KCTD8: variants seen among roughly 807,000 people sequenced by gnomAD.
KCTD8 encodes potassium channel tetramerization domain containing 8, also known as BTB/POZ domain-containing protein KCTD8.
KCTD8 carries 27 observed loss-of-function variants against 31.5 expected under a neutral mutation model. That is an observed-to-expected ratio of 0.86 (90% CI 0.63 to 1.18). KCTD8 has a LOEUF of 1.18. Ranked by LOEUF, KCTD8 falls within the 50% of genes most tolerant of loss-of-function variation. The probability of loss-of-function intolerance (pLI) is 0.00; values close to 1 mark genes in which losing one functional copy is unlikely to be tolerated. For synonymous variants in KCTD8, 290 were observed against 280.0 expected, an observed-to-expected ratio of 1.04 and a Z score of -0.36; for missense variants, 658 against 647.7, an observed-to-expected ratio of 1.02 and a Z score of -0.17.
At chr4:44,268,345 C>T (rs867084848) in intron 1 of KCTD8, among the ~76,000 whole-genome samples, 4 of 151,676 alleles carry the variant, frequency 2.6e-5, no homozygotes, top group Admixed American at 6.6e-5. Context: ...ATTCAACAAC[C>T]CTTCATGCTA....
intron 1 of KCTD8, among the ~76,000 whole-genome samples, chr4:44,420,872 G>A (rs1156433357): frequency 1.3e-5 from 2 of 151,958 alleles, no homozygotes; most frequent in East Asian, 3.9e-4. Flanking sequence ...AGAAAATAAA[G>A]ACTCGAACGA....
intron 1 of KCTD8, among the ~76,000 whole-genome samples, chr4:44,180,375 G>T (rs1013712324): frequency 6.6e-6 from 1 of 151,900 alleles, no homozygotes; most frequent in Non-Finnish European, 1.5e-5. Context: ...AGATAAATAG[G>T]TACACCTAGA....
At chr4:44,398,453 G>T (rs1207213302) in intron 1 of KCTD8, among the ~76,000 whole-genome samples, 1 of 152,188 alleles carries the variant, frequency 6.6e-6, no homozygotes, top group Non-Finnish European at 1.5e-5. Flanking sequence ...CTTATTCTGA[G>T]TCACACAGTG....
chr4:44,235,525 T>TTA (rs752341720), intron 1 of KCTD8, among the ~76,000 whole-genome samples: 148 of 55,016 alleles, frequency 2.7e-3, no homozygotes, highest in Non-Finnish European at 4.2e-3. Flanking sequence ...AGACACTGGA[T>TTA]TATATATATA....
chr4:44,448,159 T>C lies in KCTD8; in HGVS notation c.365A>G (p.Glu122Gly). 2 of 1,612,402 alleles carry C rather than the reference T, an allele frequency of 1.2e-6. No individual in the cohort carries two copies. Among genetic ancestry groups the C allele is most frequent in the Non-Finnish European group, 1.7e-6 (2 of 1,179,736 alleles). Residue 122 changes from glutamate to glycine, a missense_variant, in exon 1 of 2, where the codon GAG (glutamate) becomes GGG (glycine). Physicochemically the swap from Glu to Gly is moderately conservative, Grantham distance 98. Coordinates refer to ENST00000360029, the MANE Select transcript of KCTD8 (RefSeq NM_198353.3). This position sits in a 1 kb window ranked among gnomAD's most constrained non-coding sequence, Gnocchi z 4.1. ...CAGCCGCTCCTTCTCGGGGAAGTGC[T>C]CCGGCAGCGCGAGTTGCTTGTCCCG... is the stretch of plus-strand genomic sequence containing the variant. ...YLRDKQLALPEHFPEKERLLR... is the reference protein window; with the variant it reads ...YLRDKQLALPGHFPEKERLLR...
At chr4:44,184,218 T>C (rs992762389) in intron 1 of KCTD8, among the ~76,000 whole-genome samples, 9 of 152,164 alleles carry the variant, frequency 5.9e-5, no homozygotes, top group Middle Eastern at 3.4e-3. Context: ...GTGATTGGAG[T>C]GAGCTAAGGA....
chr4:44,217,729 G>A (rs533373325), intron 1 of KCTD8, among the ~76,000 whole-genome samples: 1 of 152,294 alleles, frequency 6.6e-6, no homozygotes, highest in South Asian at 2.1e-4. Context: ...TCTTTCTCCT[G>A]TGCTGGATGC....
intron 1 of KCTD8, among the ~76,000 whole-genome samples, chr4:44,375,106 A>G (rs956513828): frequency 2.6e-5 from 4 of 152,194 alleles, no homozygotes; most frequent in African/African-American, 9.6e-5. Context: ...AAGAGACCTC[A>G]GAATTAGAAA....
intron 1 of KCTD8, among the ~76,000 whole-genome samples, chr4:44,253,798 T>C (rs1715911436): frequency 6.6e-6 from 1 of 151,836 alleles, no homozygotes; most frequent in Non-Finnish European, 1.5e-5. Context: ...TAATAAATAA[T>C]ATTTTTTATT....
chr4:44,198,832 C>T (rs1327625958), intron 1 of KCTD8, among the ~76,000 whole-genome samples: 1 of 152,018 alleles, frequency 6.6e-6, no homozygotes, highest in Non-Finnish European at 1.5e-5. Flanking sequence ...ACCAATGATC[C>T]AAATGCCCCA....
chr4:44,405,846 A>G (rs13102497), intron 1 of KCTD8, among the ~76,000 whole-genome samples: 3,605 of 144,710 alleles, frequency 0.025, 91 homozygotes, highest in Middle Eastern at 0.061. Context: ...AAAAAAAAGC[A>G]ATAGTACTGT....
chr4:44,364,015 T>C (rs578249929), intron 1 of KCTD8, among the ~76,000 whole-genome samples: 20 of 152,238 alleles, frequency 1.3e-4, no homozygotes, highest in African/African-American at 3.8e-4. Flanking sequence ...GGAAAAATTA[T>C]ATGATCTTGG....
At chr4:44,181,224 CA>C in intron 1 of KCTD8, among the ~76,000 whole-genome samples, 1 of 110,018 alleles carries the variant, frequency 9.1e-6, no homozygotes, top group Non-Finnish European at 1.8e-5. Context: ...CCTCTCTTTC[CA>C]CGGTCTCCCT....
At chr4:44,185,769 T>C (rs78776371) in intron 1 of KCTD8, among the ~76,000 whole-genome samples, 2 of 151,724 alleles carry the variant, frequency 1.3e-5, no homozygotes, top group Non-Finnish European at 2.9e-5. Flanking sequence ...TAATAACCCA[T>C]AGTTGTTTGT....
At chr4:44,180,333 TAA>T (rs201146967) in intron 1 of KCTD8, among the ~76,000 whole-genome samples, 1 of 149,388 alleles carries the variant, frequency 6.7e-6, no homozygotes, top group East Asian at 1.9e-4. Context: ...GATTTATCTG[TAA>T]AAAAAAAGAG....
intron 1 of KCTD8, among the ~76,000 whole-genome samples, chr4:44,241,382 T>A (rs1014866842): frequency 2.0e-5 from 3 of 152,254 alleles, no homozygotes; most frequent in Admixed American, 2.0e-4. Flanking sequence ...GGTACTTCTC[T>A]AAGATTACAA....
chr4:44,218,330 C>T (rs971071120), intron 1 of KCTD8, among the ~76,000 whole-genome samples: 3 of 150,962 alleles, frequency 2.0e-5, no homozygotes, highest in Admixed American at 2.0e-4. Context: ...GACAGGGTTT[C>T]GCCACATTGG....
intron 1 of KCTD8, among the ~76,000 whole-genome samples, chr4:44,203,138 G>T (rs1335804211): frequency 6.6e-6 from 1 of 152,056 alleles, no homozygotes; most frequent in African/African-American, 2.4e-5. Flanking sequence ...AATCTGTAGG[G>T]CATACCCAAA....
At chr4:44,345,941 A>T (rs546455486) in intron 1 of KCTD8, among the ~76,000 whole-genome samples, 1 of 151,434 alleles carries the variant, frequency 6.6e-6, no homozygotes, top group Non-Finnish European at 1.5e-5. Context: ...ACAAAAAAAA[A>T]CCACATACAA....
Sources: gnomAD v4.1 joint callset for allele counts (sites outside exome capture counted in the v4.1 genomes callset) on GRCh38, gnomAD v4.1.1 for gene constraint, Gnocchi (gnomAD v3.1) non-coding constraint, MANE v1.5 for transcripts, NCBI Gene and HGNC (gene_info 2026-07-23, HGNC 2026-07-21) for gene names.